The following AKAP6 variants were observed in gnomAD, a reference collection of about 807,000 sequenced individuals.
AKAP6 encodes A-kinase anchor protein 6.
In AKAP6, 58 loss-of-function variants were observed where a neutral mutation model predicts 188.5. The observed-to-expected ratio is 0.31, with a 90% CI of 0.25 to 0.38. The LOEUF is 0.38. Among genes scored for constraint, AKAP6 ranks in the 10% least tolerant of loss-of-function variants. The probability of loss-of-function intolerance (pLI) is 1.00; values close to 1 mark genes in which losing one functional copy is unlikely to be tolerated. For missense variants in AKAP6, 2,710 were observed against 2,740.0 expected (o/e 0.99, Z 0.24); for synonymous variants, 989 against 998.6 (o/e 0.99, Z 0.18).
At chr14:32,524,366 T>G (rs1882015877) in intron 2 of AKAP6, among the ~76,000 whole-genome samples, 1 of 152,160 alleles carries the variant, frequency 6.6e-6, no homozygotes, top group South Asian at 2.1e-4. Flanking sequence ...TTCTAAATTT[T>G]GGCCTGGGTG....
chr14:32,546,225 A>G lies in AKAP6; in HGVS notation c.1572A>G (p.Thr524=), dbSNP rs771286162. 1 of 1,614,152 alleles carries G rather than the reference A, an allele frequency of 6.2e-7. No homozygotes were observed. Among genetic ancestry groups the G allele is most frequent in the Non-Finnish European group, 8.5e-7 (1 of 1,180,008 alleles). The part of the protein sequence containing the change: ...GTGSGKQAKN[T]KSSAVPNGEL... Reference sequence around the variant, plus strand: ...GTTCAGGCAAACAAGCTAAAAATACAAAGAGCTCAGCAGTGCCAAATGGAG... The same window carrying G: ...GTTCAGGCAAACAAGCTAAAAATACGAAGAGCTCAGCAGTGCCAAATGGAG... The change falls in exon 4 of 14, where the codon ACA becomes ACG. Residue 524 remains threonine (T), a synonymous_variant. Transcript: ENST00000280979.
At chr14:32,380,532 G>C (rs1888319982) in intron 1 of AKAP6, among the ~76,000 whole-genome samples, 1 of 152,200 alleles carries the variant, frequency 6.6e-6, no homozygotes, top group African/African-American at 2.4e-5. Context: ...ATTTGGGCTT[G>C]AAGTTGTGTT....
chr14:32,696,340 A>G (rs953803390), intron 9 of AKAP6, among the ~76,000 whole-genome samples: 1 of 152,194 alleles, frequency 6.6e-6, no homozygotes, highest in African/African-American at 2.4e-5. Flanking sequence ...CTGTAATTCT[A>G]TAGAAGGACA....
intron 12 of AKAP6, among the ~76,000 whole-genome samples, chr14:32,820,306 T>A (rs1480663820): frequency 6.6e-6 from 1 of 152,084 alleles, no homozygotes; most frequent in Non-Finnish European, 1.5e-5. Flanking sequence ...TAATCTTTCT[T>A]GGCTCTAGCA....
intron 1 of AKAP6, among the ~76,000 whole-genome samples, chr14:32,427,869 G>A (rs1297167194): frequency 1.3e-5 from 2 of 152,208 alleles, no homozygotes; most frequent in East Asian, 3.8e-4. Flanking sequence ...CCTCTGTTCT[G>A]TAATAAGTGC....
chr14:32,483,773 T>C (rs983902050), intron 2 of AKAP6, among the ~76,000 whole-genome samples: 4 of 152,128 alleles, frequency 2.6e-5, no homozygotes, highest in Non-Finnish European at 5.9e-5. Flanking sequence ...TGTGAGCCAC[T>C]GTGCCCCCCA....
intron 7 of AKAP6, among the ~76,000 whole-genome samples, chr14:32,606,378 T>C (rs1200729126): frequency 6.6e-6 from 1 of 152,168 alleles, no homozygotes; most frequent in Non-Finnish European, 1.5e-5. Context: ...AGAAAGCATC[T>C]TTAAATTTTA....
At chr14:32,541,589 A>G (rs1242277660) in intron 3 of AKAP6, among the ~76,000 whole-genome samples, 2 of 152,118 alleles carry the variant, frequency 1.3e-5, no homozygotes, top group African/African-American at 2.4e-5. Context: ...ATAACCTCAT[A>G]TAAGCACTGC....
rs1211927067 is a variant in AKAP6 at position 32,834,004 on chromosome 14, A to G, written c.*4199A>G. On this transcript the variant is annotated 3_prime_UTR_variant, in exon 14 of 14. Transcript: ENST00000280979. ...ATTAAATCATTTGAAATTAAATTGT[A>G]GAGTATGATACTTCATCTGCAAATA... The G allele has an allele frequency of 6.6e-6, 1 of 152,224 alleles. No homozygotes were observed. The highest frequency in any genetic ancestry group is 2.4e-5 in the African/African-American group (1 of 41,460). 9.4% of individuals were successfully genotyped at this position (152,224 alleles called of 1,614,324 possible).
At chr14:32,520,887 A>C (rs1222694682) in intron 2 of AKAP6, among the ~76,000 whole-genome samples, 1 of 152,166 alleles carries the variant, frequency 6.6e-6, no homozygotes, top group African/African-American at 2.4e-5. Context: ...CAGACACAAC[A>C]AAAAAATAAT....
rs143802788 is a variant in AKAP6 at position 32,376,687 on chromosome 14, A to G, written c.-35+47279A>G. Among the ~76,000 whole-genome samples the G allele has an allele frequency of 1.4e-4, 22 of 152,252 alleles. 1 individual carries two copies. In the East Asian group the frequency reaches 4.3e-3, roughly 29 times the overall value. On this transcript the variant is annotated intron_variant, in intron 1 of 13. Coordinates refer to ENST00000280979, the MANE Select transcript of AKAP6 (RefSeq NM_004274.5). ...GCTTTCATCTGAGAATAAGAAGGGT[A>G]TATGTTTGCAGTTTCTTTTTTCTTT...
chr14:32,676,614 A>C (rs1042869092), intron 7 of AKAP6, among the ~76,000 whole-genome samples: 1 of 152,178 alleles, frequency 6.6e-6, no homozygotes, highest in African/African-American at 2.4e-5. Flanking sequence ...GTGTCTTCTT[A>C]TTCAAGTCAA....
intron 2 of AKAP6, among the ~76,000 whole-genome samples, chr14:32,518,778 A>C (rs888214251): frequency 4.6e-5 from 7 of 152,234 alleles, no homozygotes; most frequent in Admixed American, 3.3e-4. Context: ...TATTCAGGAT[A>C]TTATCCAGGA....
chr14:32,811,277 A>T (rs968087586), intron 12 of AKAP6, among the ~76,000 whole-genome samples: 6 of 150,640 alleles, frequency 4.0e-5, no homozygotes, highest in Non-Finnish European at 8.9e-5. Context: ...AGACTAAGAT[A>T]ATGTGTGCCA....
At chr14:32,639,595 C>A (rs1362852355) in intron 7 of AKAP6, among the ~76,000 whole-genome samples, 5 of 152,044 alleles carry the variant, frequency 3.3e-5, no homozygotes, top group African/African-American at 1.2e-4. Context: ...CCTCATGAGG[C>A]TTGAGGAAGA....
At chr14:32,697,798 AG>A (rs1890463937) in intron 9 of AKAP6, among the ~76,000 whole-genome samples, 1 of 152,170 alleles carries the variant, frequency 6.6e-6, no homozygotes, top group Non-Finnish European at 1.5e-5. Flanking sequence ...ACAAAAATGC[AG>A]TCTTCTTTTT....
At chr14:32,688,056 G>A (rs1272062661) in intron 8 of AKAP6, among the ~76,000 whole-genome samples, 1 of 151,804 alleles carries the variant, frequency 6.6e-6, no homozygotes, top group Non-Finnish European at 1.5e-5. Flanking sequence ...GCATGCTTTT[G>A]GGAGAAGTAT....
chr14:32,792,938 G>A (rs2033654255), intron 12 of AKAP6, among the ~76,000 whole-genome samples: 1 of 152,142 alleles, frequency 6.6e-6, no homozygotes, highest in Non-Finnish European at 1.5e-5. Context: ...AGCTTCATAA[G>A]CAAAGAAGAA....
At chr14:32,355,859 C>T (rs750111926) in intron 1 of AKAP6, among the ~76,000 whole-genome samples, 2 of 151,940 alleles carry the variant, frequency 1.3e-5, no homozygotes. Flanking sequence ...ACTGCAGCCT[C>T]GAACTCCTGG....
Sources: allele counts gnomAD v4.1 joint callset (sites outside exome capture counted in the v4.1 genomes callset), GRCh38; gene constraint gnomAD v4.1.1; transcripts MANE v1.5; gene names NCBI Gene and HGNC (gene_info 2026-07-23, HGNC 2026-07-21).